MOV10: variants seen among roughly 807,000 people sequenced by gnomAD.
MOV10 encodes the protein RNA helicase MOV-10.
Under a neutral mutation model 108.4 loss-of-function variants are expected in MOV10, and 39 were observed. The observed-to-expected ratio is 0.36, with a 90% CI of 0.28 to 0.47. The LOEUF (loss-of-function observed/expected upper bound fraction) is 0.47. MOV10 is among the 20% of genes least tolerant of loss of function. The probability of loss-of-function intolerance (pLI) is 1.00; values close to 1 mark genes in which losing one functional copy is unlikely to be tolerated. For missense variants in MOV10, 952 were observed against 1,297.6 expected (o/e 0.73, Z 4.09); for synonymous variants, 490 against 523.1 (o/e 0.94, Z 0.86).
Position 112,700,330 on chromosome 1 carries a change from C to G in MOV10, c.2910C>G (p.Pro970=). 6.2e-7 allele frequency: 1 copy of G among 1,614,240 alleles called. No individual in the cohort carries two copies. The highest frequency in any genetic ancestry group is 8.5e-7 in the Non-Finnish European group (1 of 1,180,040). ...NLLQGLSKLS[P]STSGPHSHDY... ...TGCAAGGTCTGAGCAAGCTCAGCCC[C>G]TCTACCTCAGGTATGGCTGGGCCAG... is the stretch of plus-strand genomic sequence containing the variant. Residue 970 remains proline, a synonymous_variant, in exon 20 of 21, where the codon CCC becomes CCG. Transcript: ENST00000369645.
At position 112,700,653 on chromosome 1, in the gene MOV10, C is replaced by T. The variant is rs775986459; in HGVS notation, c.*146C>T. ...CCAAGCCATTCCACCCCCTCCCCTG[C>T]TGGGGAGAATGACACATCAAGCTGC... On this transcript the variant is annotated 3_prime_UTR_variant, in exon 21 of 21. Coordinates refer to ENST00000369645, the MANE Select transcript of MOV10 (RefSeq NM_001321324.2). 5 of 1,538,050 alleles carry T rather than the reference C, an allele frequency of 3.3e-6. No individual in the cohort carries two copies. Among genetic ancestry groups the T allele is most frequent in the Non-Finnish European group, 4.4e-6 (5 of 1,145,236 alleles).
chr1:112,674,719 G>C lies in MOV10; in HGVS notation c.-76G>C. On this transcript the variant is annotated 5_prime_UTR_variant, in exon 1 of 21. Transcript: ENST00000369645. The stretch of plus-strand genomic sequence containing the variant: ...AGGGGATAGGACGAAGAAACCGAAG[G>C]GAAAGCTCAGGTAAGAAAAGAACGG... The C allele has an allele frequency of 1.9e-6, 1 of 524,674 alleles. No homozygotes were observed. Among genetic ancestry groups the C allele is most frequent in the Non-Finnish European group, 3.3e-6 (1 of 304,792 alleles). The allele number at this position is 524,674 out of a possible 1,614,324, so 32.5% of individuals were successfully genotyped here.
intron 11 of MOV10, 27 bp from the exon 12 acceptor site, chr1:112,696,121 T>C (rs1330177937): frequency 6.6e-7 from 1 of 1,512,936 alleles, no homozygotes; most frequent in Non-Finnish European, 9.2e-7. Flanking sequence ...GCCAAGCTGA[T>C]TCCTCTGGTC....
intron 2 of MOV10, chr1:112,688,180 C>A: frequency 5.4e-6 from 1 of 185,988 alleles, no homozygotes; most frequent in Non-Finnish European, 1.0e-5. Context: ...GAGTTTCTAG[C>A]ATCTTTGAAC....
chr1:112,696,336 C>T (rs778810227), intron 12 of MOV10, 85 bp downstream of exon 12: 18 of 1,427,194 alleles, frequency 1.3e-5, no homozygotes, highest in South Asian at 2.3e-5. Flanking sequence ...GAATGGTTTC[C>T]GGAGTGGGGT....
intron 2 of MOV10, among the ~76,000 whole-genome samples, chr1:112,682,485 T>C (rs1158096063): frequency 6.6e-6 from 1 of 152,250 alleles, no homozygotes; most frequent in East Asian, 1.9e-4. Context: ...GCCGGGCCTT[T>C]AAGCAAAATT....
At chr1:112,690,133 T>A in intron 5 of MOV10, 35 bp downstream of exon 5, 1 of 1,604,612 alleles carries the variant, frequency 6.2e-7, no homozygotes, top group Non-Finnish European at 8.5e-7. Context: ...CTGGCTGGGC[T>A]CGTATCTCAA....
intron 2 of MOV10, among the ~76,000 whole-genome samples, chr1:112,680,524 C>T (rs1318825798): frequency 2.0e-5 from 3 of 150,768 alleles, no homozygotes; most frequent in Admixed American, 6.6e-5. Flanking sequence ...GGCGTGGTGG[C>T]GGGCGCCTGT....
At position 112,700,211 on chromosome 1, in the gene MOV10, C is replaced by T; in HGVS notation, c.2799-8C>T. 1 of 1,613,936 alleles carries T rather than the reference C, an allele frequency of 6.2e-7. No individual in the cohort carries two copies. The highest frequency in any genetic ancestry group is 8.5e-7 in the Non-Finnish European group (1 of 1,179,872). ...CAGTCTCTGCTGGCACTCCTCTGTA[C>T]CCCACAGATTCCTGGAGTTCTGTAA... On this transcript the variant is annotated splice_polypyrimidine_tract_variant and splice_region_variant and intron_variant, in intron 19 of 20. Coordinates refer to ENST00000369645, the MANE Select transcript of MOV10 (RefSeq NM_001321324.2).
At chr1:112,682,616 C>T (rs370536247) in intron 2 of MOV10, among the ~76,000 whole-genome samples, 6 of 152,220 alleles carry the variant, frequency 3.9e-5, no homozygotes, top group African/African-American at 9.6e-5. Flanking sequence ...AAAGCTCCCT[C>T]GTGCCCTTTC....
chr1:112,695,294 G>A (rs1570800219), intron 10 of MOV10, 122 bp from the exon 11 acceptor site: 1 of 956,200 alleles, frequency 1.0e-6, no homozygotes, highest in Non-Finnish European at 1.6e-6. Flanking sequence ...TACGGGTAGG[G>A]CACTGCATGA....
chr1:112,689,392 C>T (rs1199926464), intron 3 of MOV10, 23 bp from the exon 4 acceptor site: 3 of 1,412,808 alleles, frequency 2.1e-6, no homozygotes, highest in South Asian at 1.2e-5. Flanking sequence ...CCCCAACCCC[C>T]CCTTGACTCC....
rs531075720 is a variant in MOV10, at chr1:112,695,031, C to T, written c.1620+135C>T. The T allele has an allele frequency of 1.3e-4, 141 of 1,115,800 alleles. 1 individual carries two copies. Among genetic ancestry groups the T allele is most frequent in the Admixed American group, 5.2e-4 (19 of 36,506 alleles). 69.1% of individuals were successfully genotyped at this position (1,115,800 alleles called of 1,614,324 possible). A position where few individuals can be genotyped will look rare whatever the true frequency, so the allele number is the denominator to read the frequency against. Reference sequence around the variant, plus strand: ...AGCCATCAGAAAGAGAGGTAGGGGCCGGGTGCAGTGGCTCATGCCTGTAAT... The same window carrying T: ...AGCCATCAGAAAGAGAGGTAGGGGCTGGGTGCAGTGGCTCATGCCTGTAAT... On this transcript the variant is annotated intron_variant, in intron 10 of 20. Transcript: ENST00000369645.
chr1:112,686,825 TCTG>T, intron 2 of MOV10: 1 of 423,054 alleles, frequency 2.4e-6, no homozygotes, highest in Admixed American at 2.5e-5. Context: ...TCACCAAATT[TCTG>T]CTAATTTTAC....
At position 112,675,133 on chromosome 1, in the gene MOV10, C is replaced by CGGGGCGCAGA; in HGVS notation, c.137+88_137+97dup. 6.6e-7 allele frequency: 1 copy of CGGGGCGCAGA among 1,517,374 alleles called. No individual in the cohort carries two copies. The highest frequency in any genetic ancestry group is 8.9e-7 in the Non-Finnish European group (1 of 1,125,846). 94.0% of individuals were successfully genotyped at this position (1,517,374 alleles called of 1,614,324 possible). The stretch of plus-strand genomic sequence containing the variant: ...CGCGCGAGGGCCACCTTTCCCGCCC[C>CGGGGCGCAGA]GGGGCGCAGAGGGACGCAGCTCCCC... On this transcript the variant is annotated intron_variant, in intron 2 of 20. Transcript: ENST00000369645. The surrounding 1 kb of genome is among the most constrained non-coding windows in gnomAD (Gnocchi z 4.7).
intron 2 of MOV10, among the ~76,000 whole-genome samples, chr1:112,678,429 C>T (rs112924398): frequency 0.018 from 2,792 of 152,156 alleles, 36 homozygotes; most frequent in African/African-American, 0.026. Flanking sequence ...AGGAACCCAA[C>T]TAACTAAGGA....
chr1:112,699,270 A>G (rs912558467), intron 17 of MOV10: 4 of 230,302 alleles, frequency 1.7e-5, no homozygotes, highest in African/African-American at 4.6e-5. Flanking sequence ...TGATTCTAAT[A>G]TGCAGCCAGG....
At chr1:112,692,994 G>GA in intron 7 of MOV10, 65 bp downstream of exon 7, 1 of 1,469,952 alleles carries the variant, frequency 6.8e-7, no homozygotes, top group Non-Finnish European at 9.3e-7. Context: ...GCTGTGGGCA[G>GA]AACTATTCCT....
At chr1:112,688,278 T>A (rs765884461) in intron 2 of MOV10, 3 of 892,226 alleles carry the variant, frequency 3.4e-6, no homozygotes, top group Non-Finnish European at 4.0e-6. Context: ...GCACTGAGCC[T>A]TGAGGTTATT....
Sources: allele counts gnomAD v4.1 joint callset (sites outside exome capture counted in the v4.1 genomes callset), GRCh38; gene constraint gnomAD v4.1.1; non-coding constraint Gnocchi (gnomAD v3.1); transcripts MANE v1.5; gene names NCBI Gene and HGNC (gene_info 2026-07-23, HGNC 2026-07-21).